The following FRMD6 variants were observed in gnomAD, a reference collection of about 807,000 sequenced individuals.
The protein encoded by FRMD6 is FERM domain-containing protein 6.
FRMD6 carries 37 observed loss-of-function variants against 73.2 expected under a neutral mutation model. The observed-to-expected ratio is 0.51, with a 90% confidence interval of 0.39 to 0.66. The LOEUF is 0.66. FRMD6 is among the 30% of genes least tolerant of loss of function. The probability of loss-of-function intolerance (pLI) is 0.00; values close to 1 mark genes in which losing one functional copy is unlikely to be tolerated. For synonymous variants in FRMD6, 273 were observed against 282.2 expected, an observed-to-expected ratio of 0.97 and a Z score of 0.33; for missense variants, 714 against 780.5, an observed-to-expected ratio of 0.91 and a Z score of 1.02.
chr14:51,431,463 A>G, the FRMD6 span, among the ~76,000 whole-genome samples: 40,792 of 152,170 alleles, frequency 0.27, 5,779 homozygotes, highest in Middle Eastern at 0.36. Flanking sequence ...AGTTTGAAAC[A>G]TTTTTGTTTA....
chr14:51,546,561 G>A (rs1298078892), intron 1 of FRMD6: 18 of 121,406 alleles, frequency 1.5e-4, no homozygotes, highest in African/African-American at 5.8e-4. Flanking sequence ...CAGGGTAAAG[G>A]TAATTTGTTC....
the FRMD6 span, among the ~76,000 whole-genome samples, chr14:51,457,024 G>A: frequency 6.6e-6 from 1 of 152,124 alleles, no homozygotes; most frequent in Non-Finnish European, 1.5e-5. Context: ...TTGGCCCATA[G>A]GCAAAAAGTT....
chr14:51,409,510 C>A, the FRMD6 span, among the ~76,000 whole-genome samples: 1 of 152,248 alleles, frequency 6.6e-6, no homozygotes, highest in Middle Eastern at 3.4e-3. Context: ...ATCATCTTTA[C>A]TCCTCTAACT....
chr14:51,595,185 C>T (rs371309077), intron 2 of FRMD6, among the ~76,000 whole-genome samples: 7 of 152,104 alleles, frequency 4.6e-5, no homozygotes, highest in South Asian at 2.1e-4. Flanking sequence ...GAGAGCGACC[C>T]GTCTTGCCAA....
Position 51,633,598 on chromosome 14 carries a change from CAAAA to C in FRMD6, c.-146-56073_-146-56070del, listed in dbSNP as rs375453243. 3.4e-3 allele frequency among the ~76,000 whole-genome samples: 154 copies of C among 45,864 alleles called. 1 individual carries two copies. Among genetic ancestry groups the C allele is most frequent in the Non-Finnish European group, 3.8e-3 (108 of 28,076 alleles). The allele number at this position is 45,864 out of a possible 152,430, so 30.1% of individuals were successfully genotyped here. A position where few individuals can be genotyped will look rare whatever the true frequency, so the allele number is the denominator to read the frequency against. On this transcript the variant is annotated intron_variant, in intron 2 of 14. Transcript: ENST00000356218. ...CTTGAGCAACAGAACAAGACCCTGTCAAAAAAAAAAAAAAAAAAAAAAAGAAATA... is the reference window on the plus strand; with the variant it reads ...CTTGAGCAACAGAACAAGACCCTGTCAAAAAAAAAAAAAAAAAAAGAAATA...
the FRMD6 span, among the ~76,000 whole-genome samples, chr14:51,437,591 C>T: frequency 1.3e-5 from 2 of 152,188 alleles, no homozygotes; most frequent in Admixed American, 6.5e-5. Context: ...CGTGAGCCAC[C>T]GCTCCCGGCC....
intron 1 of FRMD6, among the ~76,000 whole-genome samples, chr14:51,550,486 A>C (rs1260815324): frequency 2.0e-5 from 3 of 151,904 alleles, no homozygotes; most frequent in African/African-American, 4.8e-5. Flanking sequence ...TGAAGATGGC[A>C]TTTGTGCCTG....
intron 1 of FRMD6, among the ~76,000 whole-genome samples, chr14:51,568,504 AAC>A (rs1308825357): frequency 6.6e-6 from 1 of 152,228 alleles, no homozygotes; most frequent in African/African-American, 2.4e-5. Context: ...AGAAATGGCG[AAC>A]ACTGCAAGAA....
intron 1 of FRMD6, among the ~76,000 whole-genome samples, chr14:51,553,416 A>T (rs931057584): frequency 7.9e-5 from 12 of 152,262 alleles, no homozygotes; most frequent in African/African-American, 2.9e-4. Context: ...AAAGAAATTC[A>T]GAACATTTTC....
At chr14:51,430,526 T>A in the FRMD6 span, among the ~76,000 whole-genome samples, 1 of 151,796 alleles carries the variant, frequency 6.6e-6, no homozygotes, top group African/African-American at 2.4e-5. Flanking sequence ...AGTTTAGGCA[T>A]AATCTGGGGT....
chr14:51,721,890 A>C, intron 11 of FRMD6, 59 bp from the exon 12 acceptor site: 1 of 1,591,868 alleles, frequency 6.3e-7, no homozygotes, highest in Non-Finnish European at 8.6e-7. Flanking sequence ...ATATGGTTGC[A>C]TATTATGATG....
chr14:51,630,686 G>A (rs904559846), intron 2 of FRMD6, among the ~76,000 whole-genome samples: 2 of 152,138 alleles, frequency 1.3e-5, no homozygotes, highest in African/African-American at 4.8e-5. Context: ...GGTCAAGGCT[G>A]CAGTCAGCCA....
exon 2 of FRMD6, chr14:51,570,386 T>C (rs1052241245): frequency 5.3e-5 from 8 of 152,202 alleles, no homozygotes; most frequent in Non-Finnish European, 8.8e-5. Context: ...CTTCTTCTGG[T>C]TGGAAACTTG....
At chr14:51,442,753 C>T in the FRMD6 span, among the ~76,000 whole-genome samples, 10 of 152,166 alleles carry the variant, frequency 6.6e-5, no homozygotes, top group Non-Finnish European at 1.2e-4. Flanking sequence ...CATTGCTGGT[C>T]ACTTCTTCCT....
chr14:51,711,014 G>A (rs1896916411), intron 7 of FRMD6, among the ~76,000 whole-genome samples: 1 of 152,172 alleles, frequency 6.6e-6, no homozygotes, highest in Admixed American at 6.6e-5. Flanking sequence ...TCATGAGAGA[G>A]CCTTAAATAT....
chr14:51,453,526 T>A, the FRMD6 span, among the ~76,000 whole-genome samples: 7 of 152,156 alleles, frequency 4.6e-5, no homozygotes, highest in Admixed American at 4.6e-4. Flanking sequence ...TAAGGTACAG[T>A]GGATATACAG....
the FRMD6 span, among the ~76,000 whole-genome samples, chr14:51,440,171 C>T: frequency 0.92 from 140,293 of 152,290 alleles, 64,894 homozygotes; most frequent in African/African-American, 0.97. Flanking sequence ...CCTGAGGCCA[C>T]CACTGTGGTA....
In FRMD6 at chr14:51,599,058, C is replaced by CTTTTTTTTT. The variant is rs59151771; in HGVS notation, c.-147+28667_-147+28675dup. ...TCTCAGCAGCCTTGCCAGTATCTGTCTTTTTTTTTTTTTTTTTTTTTTTTT... is the reference window on the plus strand; with the variant it reads ...TCTCAGCAGCCTTGCCAGTATCTGTCTTTTTTTTTTTTTTTTTTTTTTTTTTTTTTTTTT... On this transcript the variant is annotated intron_variant, in intron 2 of 14. Coordinates refer to the FRMD6 transcript ENST00000356218. 1.9e-3 allele frequency among the ~76,000 whole-genome samples: 137 copies of CTTTTTTTTT among 72,814 alleles called. 8 individuals carry two copies. The highest frequency in any genetic ancestry group is 5.8e-3 in the African/African-American group (106 of 18,182). The allele number at this position is 72,814 out of a possible 152,430, so 47.8% of individuals were successfully genotyped here. A position where few individuals can be genotyped will look rare whatever the true frequency, so the allele number is the denominator to read the frequency against.
At chr14:51,671,181 G>A (rs563889540) in intron 1 of FRMD6, among the ~76,000 whole-genome samples, 2 of 152,112 alleles carry the variant, frequency 1.3e-5, no homozygotes, top group Non-Finnish European at 2.9e-5. Flanking sequence ...TCGTGTCTAT[G>A]TTCATGAGGG....
Sources: allele counts gnomAD v4.1 joint callset (sites outside exome capture counted in the v4.1 genomes callset), GRCh38; gene constraint gnomAD v4.1.1; transcripts MANE v1.5; gene names NCBI Gene and HGNC (gene_info 2026-07-23, HGNC 2026-07-21).